MAP2K7: variants seen among roughly 807,000 people sequenced by gnomAD.
MAP2K7 encodes the protein dual specificity mitogen-activated protein kinase kinase 7.
In MAP2K7, 12 loss-of-function variants were observed where a neutral mutation model predicts 47.7. That is an observed-to-expected ratio of 0.25 (90% CI 0.16 to 0.41). MAP2K7 has a LOEUF of 0.41. MAP2K7 is among the 10% of genes least tolerant of loss of function. The pLI, the probability that MAP2K7 is intolerant of heterozygous loss-of-function variation, is 1.00. For synonymous variants in MAP2K7, 299 were observed against 243.0 expected (o/e 1.23, Z -2.14); for missense variants, 415 against 600.3 (o/e 0.69, Z 3.23).
chr19:7,910,692 G>A lies in MAP2K7; in HGVS notation c.568-4G>A, dbSNP rs892663664. 4 of 1,607,814 alleles carry A rather than the reference G, an allele frequency of 2.5e-6. No homozygotes were observed. The highest frequency in any genetic ancestry group is 3.4e-6 in the Non-Finnish European group (4 of 1,176,556). Reference sequence around the variant, plus strand: ...AGCTCCCCCGGGTGCCCCTCTCCCTGCAGACGGACGTCTTCATCGCCATGG... The same window carrying A: ...AGCTCCCCCGGGTGCCCCTCTCCCTACAGACGGACGTCTTCATCGCCATGG... On this transcript the variant is annotated splice_region_variant and splice_polypyrimidine_tract_variant and intron_variant, in intron 5 of 10. Transcript: ENST00000397979.
At chr19:7,907,583 C>T (rs1338402182) in intron 1 of MAP2K7, among the ~76,000 whole-genome samples, 1 of 152,230 alleles carries the variant, frequency 6.6e-6, no homozygotes, top group African/African-American at 2.4e-5. Context: ...TCTGTGGCCT[C>T]TGTTCTCAGG....
At chr19:7,904,492 A>G in intron 1 of MAP2K7, 2 of 336,698 alleles carry the variant, frequency 5.9e-6, no homozygotes, top group Admixed American at 4.2e-5. Context: ...GGGGCTTGTC[A>G]GCCCCGTGCA....
At chr19:7,907,182 G>C (rs11667045) in intron 1 of MAP2K7, 4,364 of 152,416 alleles carry the variant, frequency 0.029, 86 homozygotes, top group Middle Eastern at 0.045. Flanking sequence ...GAAGGAGTTG[G>C]GGGGGGAGAG....
Position 7,903,936 on chromosome 19 carries a change from G to A in MAP2K7, c.-9G>A, listed in dbSNP as rs776178484. The A allele has an allele frequency of 1.1e-5, 17 of 1,518,618 alleles. No individual in the cohort carries two copies. The South Asian group carries it at 2.1e-4, about 18-fold the overall frequency. 94.1% of individuals were successfully genotyped at this position (1,518,618 alleles called of 1,614,324 possible). On this transcript the variant is annotated 5_prime_UTR_variant, in exon 1 of 11. Coordinates refer to ENST00000397979, the MANE Select transcript of MAP2K7 (RefSeq NM_145185.4). ...CGGGCGGTGCGCGGCGGCGGTGGCG[G>A]CGGGGAAGATGGCGGCGTCCTCCCT... is the stretch of plus-strand genomic sequence containing the variant.
intron 8 of MAP2K7, 38 bp downstream of exon 8, chr19:7,911,368 G>C (rs772898158): frequency 6.2e-7 from 1 of 1,613,440 alleles, no homozygotes; most frequent in Admixed American, 1.7e-5. Context: ...AGCCAGGAGT[G>C]AGGGCTTCTG....
intron 1 of MAP2K7, among the ~76,000 whole-genome samples, chr19:7,908,949 T>C (rs564336681): frequency 3.9e-4 from 57 of 146,764 alleles, no homozygotes; most frequent in African/African-American, 1.4e-3. Flanking sequence ...GCCTGCTGCC[T>C]GCCCGCCGCC....
chr19:7,910,460 G>T lies in MAP2K7; in HGVS notation c.455G>T (p.Arg152Leu). 1 of 1,607,276 alleles carries T rather than the reference G, an allele frequency of 6.2e-7. No individual in the cohort carries two copies. The highest frequency in any genetic ancestry group is 8.5e-7 in the Non-Finnish European group (1 of 1,177,186). ...CTGTCCCTGCCTGTGCAGCAAATGC[G>T]GCGCTCCGGGAACAAGGAGGAGAAC... Reference protein sequence around the residue: ...TGHVIAVKQMRRSGNKEENKR... With the variant: ...TGHVIAVKQMLRSGNKEENKR... Residue 152 changes from arginine to leucine, a missense_variant, in exon 5 of 11, where the codon CGG becomes CTG. Coordinates refer to ENST00000397979, the MANE Select transcript of MAP2K7 (RefSeq NM_145185.4).
chr19:7,907,019 TG>T (rs1429074752), intron 1 of MAP2K7: 1 of 147,140 alleles, frequency 6.8e-6, no homozygotes, highest in African/African-American at 2.5e-5. Flanking sequence ...CACTTCAGCC[TG>T]GGCAACAAGA....
intron 1 of MAP2K7, 39 bp downstream of exon 1, chr19:7,904,107 G>T: frequency 5.2e-6 from 1 of 193,572 alleles, no homozygotes; most frequent in Non-Finnish European, 9.9e-6. Flanking sequence ...GGGCGGGCGG[G>T]GCGGGGCGCG....
intron 1 of MAP2K7, among the ~76,000 whole-genome samples, chr19:7,908,631 GCCCCAGCTC>G (rs1453551762): frequency 1.3e-5 from 2 of 152,106 alleles, no homozygotes; most frequent in South Asian, 4.1e-4. Flanking sequence ...AGAGCGGCAG[GCCCCAGCTC>G]CTGTGGGAGG....
In MAP2K7 at chr19:7,913,697, G is replaced by A. The variant is rs1292982495; in HGVS notation, c.*1266G>A. On this transcript the variant is annotated 3_prime_UTR_variant, in exon 11 of 11. Transcript: ENST00000397979. Reference sequence around the variant, plus strand: ...CCTGCTGGGGTGGCCAGAGCAGGAGGGGGTGTGTTTCCTTTTTGTGGGTGT... The same window carrying A: ...CCTGCTGGGGTGGCCAGAGCAGGAGAGGGTGTGTTTCCTTTTTGTGGGTGT... The A allele has an allele frequency of 6.6e-6, 1 of 152,104 alleles. No homozygotes were observed. Among genetic ancestry groups the A allele is most frequent in the Non-Finnish European group, 1.5e-5 (1 of 67,988 alleles). The allele number at this position is 152,104 out of a possible 1,614,324, so 9.4% of individuals were successfully genotyped here. A position where few individuals can be genotyped will look rare whatever the true frequency, so the allele number is the denominator to read the frequency against.
At chr19:7,904,543 C>T (rs1035674886) in intron 1 of MAP2K7, 1 of 243,020 alleles carries the variant, frequency 4.1e-6, no homozygotes, top group South Asian at 3.1e-5. Flanking sequence ...CTCGGGGACA[C>T]CTGAGGTTAC....
At chr19:7,911,620 T>G in intron 9 of MAP2K7, 42 bp downstream of exon 9, 2 of 1,534,496 alleles carry the variant, frequency 1.3e-6, no homozygotes, top group Non-Finnish European at 1.8e-6. Flanking sequence ...GACAGCCCGC[T>G]GCTCTGGGCA....
rs1047122884 is a variant in MAP2K7 at position 7,910,974 on chromosome 19, C to G, written c.676-6C>G. On this transcript the variant is annotated splice_region_variant and splice_polypyrimidine_tract_variant and intron_variant, in intron 6 of 10. Transcript: ENST00000397979. ...GCCACATGCACCCCCCTCTGCGTGC[C>G]TGCAGATTGTGAAGGCGCTGTACTA... 1 of 1,605,048 alleles carries G rather than the reference C, an allele frequency of 6.2e-7. No homozygotes were observed. The highest frequency in any genetic ancestry group is 2.2e-5 in the East Asian group (1 of 44,636).
chr19:7,912,022 C>T (rs1982908485), intron 9 of MAP2K7, 127 bp from the exon 10 acceptor site: 3 of 836,374 alleles, frequency 3.6e-6, no homozygotes, highest in Non-Finnish European at 5.9e-6. Flanking sequence ...CTGAGGACAT[C>T]CACAGCTCCT....
At chr19:7,908,490 A>C (rs1982604274) in intron 1 of MAP2K7, among the ~76,000 whole-genome samples, 1 of 152,148 alleles carries the variant, frequency 6.6e-6, no homozygotes, top group Non-Finnish European at 1.5e-5. Context: ...AGCTGCCAGC[A>C]TGGAGCGGGT....
chr19:7,911,185 A>C (rs1568279097), intron 7 of MAP2K7, 26 bp downstream of exon 7: 2 of 1,130,864 alleles, frequency 1.8e-6, no homozygotes, highest in Admixed American at 3.7e-5. Flanking sequence ...CCAGCGGGGG[A>C]GGGGGTGGGG....
chr19:7,910,358 C>T lies in MAP2K7; in HGVS notation c.432C>T (p.His144=), dbSNP rs775147511. The T allele has an allele frequency of 3.3e-5, 54 of 1,612,684 alleles. No homozygotes were observed. Among genetic ancestry groups the T allele is most frequent in the East Asian group, 2.5e-4 (11 of 44,884 alleles). The stretch of plus-strand genomic sequence containing the variant: ...AGATGCGCTTCCGGAAGACCGGCCA[C>T]GTCATTGCCGTTAAGGTGAGCCTTG... ...VWKMRFRKTG[H]VIAVKQMRRS... The change falls in exon 4 of 11, where the codon CAC becomes CAT. Residue 144 remains histidine (H), a synonymous_variant. Coordinates refer to ENST00000397979, the MANE Select transcript of MAP2K7 (RefSeq NM_145185.4).
chr19:7,907,462 C>T (rs372535110), intron 1 of MAP2K7, among the ~76,000 whole-genome samples: 6 of 152,220 alleles, frequency 3.9e-5, no homozygotes, highest in South Asian at 4.1e-4. Flanking sequence ...TGGCTCCTGT[C>T]GGCAGACACG....
Sources: allele counts gnomAD v4.1 joint callset (sites outside exome capture counted in the v4.1 genomes callset), GRCh38; gene constraint gnomAD v4.1.1; transcripts MANE v1.5; gene names NCBI Gene and HGNC (gene_info 2026-07-23, HGNC 2026-07-21).